KIAA0825: variants seen among roughly 807,000 people sequenced by gnomAD.
The protein encoded by KIAA0825 is uncharacterized protein KIAA0825.
Under a neutral mutation model 147.6 loss-of-function variants are expected in KIAA0825, and 119 were observed. The ratio of observed to expected loss-of-function variants is 0.81; its 90% CI spans 0.69 to 0.94. KIAA0825 has a LOEUF of 0.94. Ranked by LOEUF, KIAA0825 falls within the 40% of genes least tolerant of loss-of-function variation. KIAA0825 has a pLI of 0.00. For synonymous variants in KIAA0825, 470 were observed against 518.1 expected, an observed-to-expected ratio of 0.91 and a Z score of 1.26; for missense variants, 1,381 against 1,472.7, an observed-to-expected ratio of 0.94 and a Z score of 1.02.
intron 20 of KIAA0825, among the ~76,000 whole-genome samples, chr5:94,364,017 C>G (rs1241329279): frequency 6.6e-6 from 1 of 151,920 alleles, no homozygotes; most frequent in Non-Finnish European, 1.5e-5. Context: ...CAGACCCATG[C>G]TTTCACCACT....
At chr5:94,565,095 C>CTTTT (rs1176429699) in intron 2 of KIAA0825, among the ~76,000 whole-genome samples, 5 of 52,926 alleles carry the variant, frequency 9.4e-5, no homozygotes, top group African/African-American at 1.6e-4. Context: ...TCTTGCTTTC[C>CTTTT]TTTTTTTTTT....
intron 6 of KIAA0825, among the ~76,000 whole-genome samples, chr5:94,480,628 A>G (rs1160505766): frequency 6.6e-6 from 1 of 152,068 alleles, no homozygotes; most frequent in Non-Finnish European, 1.5e-5. Context: ...TCTTGTATTT[A>G]TCATTTCACT....
intron 1 of KIAA0825, among the ~76,000 whole-genome samples, chr5:94,602,452 G>A (rs535962946): frequency 3.3e-5 from 5 of 152,280 alleles, no homozygotes; most frequent in African/African-American, 9.6e-5. Context: ...TAAGGGCAGT[G>A]ATATAGTTTG....
intron 1 of KIAA0825, among the ~76,000 whole-genome samples, chr5:94,595,215 C>T (rs1584996079): frequency 6.6e-6 from 1 of 152,322 alleles, no homozygotes; most frequent in Non-Finnish European, 1.5e-5. Context: ...GGCAGAGGTT[C>T]TCCATGAGGG....
intron 6 of KIAA0825, among the ~76,000 whole-genome samples, chr5:94,478,686 G>T (rs1762166935): frequency 6.6e-6 from 1 of 151,826 alleles, no homozygotes; most frequent in Non-Finnish European, 1.5e-5. Context: ...TTACAAATAA[G>T]GATCACTTCT....
chr5:94,573,718 G>A (rs1248659298), intron 2 of KIAA0825, among the ~76,000 whole-genome samples: 2 of 152,338 alleles, frequency 1.3e-5, no homozygotes, highest in African/African-American at 4.8e-5. Flanking sequence ...TGTTAATAGA[G>A]ATTCTTTACA....
At chr5:94,189,294 T>G (rs1054717291) in intron 20 of KIAA0825, among the ~76,000 whole-genome samples, 5 of 152,192 alleles carry the variant, frequency 3.3e-5, no homozygotes, top group African/African-American at 4.8e-5. Context: ...ACTTCATTTC[T>G]CTTTTCACAG....
At chr5:94,410,651 T>C (rs1270438466) in intron 15 of KIAA0825, among the ~76,000 whole-genome samples, 1 of 152,192 alleles carries the variant, frequency 6.6e-6, no homozygotes, top group African/African-American at 2.4e-5. Context: ...CACTGATTTA[T>C]TGTCAGAAAT....
intron 12 of KIAA0825, among the ~76,000 whole-genome samples, chr5:94,454,338 T>C (rs1403271142): frequency 6.6e-6 from 1 of 152,218 alleles, no homozygotes; most frequent in African/African-American, 2.4e-5. Flanking sequence ...AATCCACCTT[T>C]ATCTTTTCAC....
chr5:94,511,593 G>A (rs1201761287), intron 5 of KIAA0825, among the ~76,000 whole-genome samples: 1 of 151,896 alleles, frequency 6.6e-6, no homozygotes, highest in East Asian at 2.0e-4. Context: ...GCACACTCCA[G>A]CCCAGGCAAC....
rs555655837 is a variant in KIAA0825 at position 94,574,504 on chromosome 5, G to A, written c.-2+7929C>T. 1.3e-3 allele frequency among the ~76,000 whole-genome samples: 174 copies of A among 132,330 alleles called. 1 individual carries two copies. The highest frequency in any genetic ancestry group is 4.1e-3 in the African/African-American group (144 of 34,940). 86.8% of individuals were successfully genotyped at this position (132,330 alleles called of 152,430 possible). On this transcript the variant is annotated intron_variant, in intron 2 of 20. Coordinates refer to ENST00000682413, the MANE Select transcript of KIAA0825 (RefSeq NM_001145678.3). ...GGTTGCGGTGAGCCAAGATCATGCCGTTGTACTCCAGCCAGGGTGACAGTG... is the reference window on the plus strand; with the variant it reads ...GGTTGCGGTGAGCCAAGATCATGCCATTGTACTCCAGCCAGGGTGACAGTG...
At chr5:94,613,613 G>C (rs1482238331) in intron 1 of KIAA0825, among the ~76,000 whole-genome samples, 2 of 152,188 alleles carry the variant, frequency 1.3e-5, no homozygotes, top group African/African-American at 4.8e-5. Context: ...TCAATCTAGG[G>C]AGGTCAGTAG....
chr5:94,382,140 A>AAACTGAGC (rs1748499119), intron 20 of KIAA0825, among the ~76,000 whole-genome samples: 2 of 152,202 alleles, frequency 1.3e-5, no homozygotes, highest in African/African-American at 4.8e-5. Context: ...TGGAAGGAAA[A>AAACTGAGC]AACTGAGCAT....
At chr5:94,424,612 G>T (rs937119638) in intron 14 of KIAA0825, among the ~76,000 whole-genome samples, 1 of 151,670 alleles carries the variant, frequency 6.6e-6, no homozygotes, top group Non-Finnish European at 1.5e-5. Context: ...TCCAGGAACT[G>T]GAAAAACAAG....
At chr5:94,491,712 A>G (rs939980498) in intron 5 of KIAA0825, among the ~76,000 whole-genome samples, 1 of 152,194 alleles carries the variant, frequency 6.6e-6, no homozygotes, top group African/African-American at 2.4e-5. Flanking sequence ...ACTAGAAAAG[A>G]ATTTGGGGTA....
At chr5:94,400,585 G>A (rs1751247142) in intron 16 of KIAA0825, among the ~76,000 whole-genome samples, 1 of 151,982 alleles carries the variant, frequency 6.6e-6, no homozygotes, top group South Asian at 2.1e-4. Flanking sequence ...TTGCCATAAA[G>A]GATTATTTTC....
At chr5:94,616,203 T>A (rs1426475756) in intron 1 of KIAA0825, among the ~76,000 whole-genome samples, 3 of 152,174 alleles carry the variant, frequency 2.0e-5, no homozygotes, top group African/African-American at 7.2e-5. Context: ...TGTAATCAAA[T>A]ACACATTAGT....
chr5:94,205,266 A>G (rs962850644), intron 20 of KIAA0825, among the ~76,000 whole-genome samples: 8 of 54,574 alleles, frequency 1.5e-4, no homozygotes, highest in Non-Finnish European at 2.7e-4. Context: ...TGACTATTTA[A>G]TCATATATAT....
At chr5:94,210,722 A>G (rs190875256) in intron 20 of KIAA0825, among the ~76,000 whole-genome samples, 1 of 152,334 alleles carries the variant, frequency 6.6e-6, no homozygotes, top group East Asian at 1.9e-4. Context: ...TAGAAGAGCA[A>G]AAGATACAAT....
Sources: allele counts gnomAD v4.1 joint callset (sites outside exome capture counted in the v4.1 genomes callset), GRCh38; gene constraint gnomAD v4.1.1; transcripts MANE v1.5; gene names NCBI Gene and HGNC (gene_info 2026-07-23, HGNC 2026-07-21).